The following GRIN2B variants were observed in gnomAD, a reference collection of about 807,000 sequenced individuals.
GRIN2B encodes glutamate receptor ionotropic, NMDA 2B.
Under a neutral mutation model 114.5 loss-of-function variants are expected in GRIN2B, and 5 were observed. The ratio of observed to expected loss-of-function variants is 0.04; its 90% CI spans 0.02 to 0.09. The LOEUF (loss-of-function observed/expected upper bound fraction) is 0.09. GRIN2B is among the 10% of genes least tolerant of loss of function. GRIN2B has a pLI of 1.00. For synonymous variants in GRIN2B, 787 were observed against 745.1 expected, an observed-to-expected ratio of 1.06 and a Z score of -0.92; for missense variants, 1,108 against 1,943.5, an observed-to-expected ratio of 0.57 and a Z score of 8.08.
Position 13,837,919 on chromosome 12 carries a change from C to T in GRIN2B, c.411+27879G>A, listed in dbSNP as rs192877933. Among the ~76,000 whole-genome samples, 16 of 152,188 alleles carry T rather than the reference C, an allele frequency of 1.1e-4. No individual in the cohort carries two copies. The East Asian group carries it at 3.1e-3, about 29-fold the overall frequency. ...TACCTCCCTGCCTCCCTAGGAGCGG[C>T]CATGGGCACACTGCGTTTCTAACAA... On this transcript the variant is annotated intron_variant, in intron 3 of 13. Coordinates refer to ENST00000609686, the MANE Select transcript of GRIN2B (RefSeq NM_000834.5).
intron 2 of GRIN2B, among the ~76,000 whole-genome samples, chr12:13,968,323 C>T (rs1008224933): frequency 1.3e-5 from 2 of 152,186 alleles, no homozygotes; most frequent in South Asian, 2.1e-4. Context: ...GTGTATATTA[C>T]GCTTATGGTT....
chr12:13,804,712 A>G (rs1310914816), intron 3 of GRIN2B, among the ~76,000 whole-genome samples: 2 of 152,144 alleles, frequency 1.3e-5, no homozygotes, highest in Admixed American at 6.6e-5. Context: ...GATTTATATT[A>G]TATACATTTG....
intron 5 of GRIN2B, among the ~76,000 whole-genome samples, chr12:13,658,205 C>T (rs926308221): frequency 4.8e-5 from 7 of 146,036 alleles, no homozygotes; most frequent in Non-Finnish European, 7.5e-5. Context: ...AAAACTCCAT[C>T]TAAAAAAAAA....
At chr12:13,814,953 G>T (rs1228207752) in intron 3 of GRIN2B, among the ~76,000 whole-genome samples, 1 of 151,738 alleles carries the variant, frequency 6.6e-6, no homozygotes, top group Non-Finnish European at 1.5e-5. Context: ...TCATCTCTTT[G>T]ATTTTTTAAA....
chr12:13,919,395 A>G (rs184838032), intron 2 of GRIN2B, among the ~76,000 whole-genome samples: 1 of 152,328 alleles, frequency 6.6e-6, no homozygotes, highest in Admixed American at 6.5e-5. Flanking sequence ...CATAAATTGA[A>G]TCATTTGTTT....
intron 4 of GRIN2B, among the ~76,000 whole-genome samples, chr12:13,718,832 G>A (rs1029558962): frequency 4.6e-5 from 7 of 152,026 alleles, no homozygotes; most frequent in South Asian, 2.1e-4. Context: ...CCTTCACGCT[G>A]TAAGTAGAAA....
At chr12:13,728,920 A>G (rs1863037490) in intron 4 of GRIN2B, among the ~76,000 whole-genome samples, 2 of 152,222 alleles carry the variant, frequency 1.3e-5, no homozygotes, top group Admixed American at 1.3e-4. Context: ...ATATTCACTT[A>G]TTTTCTGTTC....
intron 5 of GRIN2B, among the ~76,000 whole-genome samples, chr12:13,619,330 T>C (rs1217940871): frequency 6.6e-6 from 1 of 152,174 alleles, no homozygotes; most frequent in African/African-American, 2.4e-5. Flanking sequence ...ACAAAAGCTA[T>C]TGCAATAACA....
At chr12:13,823,781 CT>C (rs1864980998) in intron 3 of GRIN2B, among the ~76,000 whole-genome samples, 1 of 152,098 alleles carries the variant, frequency 6.6e-6, no homozygotes, top group African/African-American at 2.4e-5. Context: ...ATGATGTCGG[CT>C]ATAGGTTTTC....
intron 4 of GRIN2B, chr12:13,683,895 G>A (rs539628187): frequency 6.6e-6 from 1 of 152,256 alleles, no homozygotes; most frequent in East Asian, 1.9e-4. Flanking sequence ...AGCATTTGAA[G>A]GGACTTTTGG....
At chr12:13,600,863 A>C (rs1949147739) in intron 10 of GRIN2B, among the ~76,000 whole-genome samples, 1 of 152,134 alleles carries the variant, frequency 6.6e-6, no homozygotes, top group African/African-American at 2.4e-5. Context: ...GACACAGCAA[A>C]AGGGAGCACA....
chr12:13,577,887 T>G (rs1948798521), intron 10 of GRIN2B, among the ~76,000 whole-genome samples: 1 of 152,212 alleles, frequency 6.6e-6, no homozygotes, highest in Non-Finnish European at 1.5e-5. Context: ...TTTCATCCAT[T>G]TACTTTTTCA....
chr12:13,971,345 G>C (rs1330786310), intron 2 of GRIN2B, among the ~76,000 whole-genome samples: 1 of 152,052 alleles, frequency 6.6e-6, no homozygotes, highest in Admixed American at 6.5e-5. Flanking sequence ...TCTTGCCTCT[G>C]TACATTTAGG....
Position 13,563,707 on chromosome 12 carries a change from A to C in GRIN2B, c.3531T>G (p.Ser1177=). The C allele has an allele frequency of 6.2e-7, 1 of 1,613,550 alleles. No homozygotes were observed. The highest frequency in any genetic ancestry group is 8.5e-7 in the Non-Finnish European group (1 of 1,179,956). The change falls in exon 14 of 14, where the codon TCT becomes TCG. Residue 1177 remains serine (S), a synonymous_variant. Transcript: ENST00000609686. ...VSGGGPCTNR[S]HIKHGTGDKH... ...TGTCGCCCGTCCCGTGCTTGATGTGAGACCTGTTGGTACAGGGCCCTCCTC... is the reference window on the plus strand; with the variant it reads ...TGTCGCCCGTCCCGTGCTTGATGTGCGACCTGTTGGTACAGGGCCCTCCTC...
Position 13,550,311 on chromosome 12 carries a change from C to G in GRIN2B, c.*12472G>C, listed in dbSNP as rs1003476652. The stretch of plus-strand genomic sequence containing the variant: ...CTCCACCATTCCCCAAGGAGGGGAG[C>G]AGAGGCAGGCTAGAACTGCAGGAGC... On this transcript the variant is annotated 3_prime_UTR_variant, in exon 14 of 14. Coordinates refer to ENST00000609686, the MANE Select transcript of GRIN2B (RefSeq NM_000834.5). 5 of 152,158 alleles carry G rather than the reference C, an allele frequency of 3.3e-5. No homozygotes were observed. Among genetic ancestry groups the G allele is most frequent in the African/African-American group, 1.2e-4 (5 of 41,428 alleles). The allele number at this position is 152,158 out of a possible 1,614,324, so 9.4% of individuals were successfully genotyped here. A position where few individuals can be genotyped will look rare whatever the true frequency, so the allele number is the denominator to read the frequency against.
chr12:13,575,733 G>A (rs566358069), intron 10 of GRIN2B, among the ~76,000 whole-genome samples: 14 of 151,604 alleles, frequency 9.2e-5, no homozygotes, highest in Non-Finnish European at 1.6e-4. Context: ...TCAGTACTGG[G>A]AAGAAGGGAA....
rs761107805 is a variant in GRIN2B at position 13,544,913 on chromosome 12, C to T, written c.*17870G>A. 1 of 152,244 alleles carries T rather than the reference C, an allele frequency of 6.6e-6. No individual in the cohort carries two copies. Among genetic ancestry groups the T allele is most frequent in the Non-Finnish European group, 1.5e-5 (1 of 68,070 alleles). 9.4% of individuals were successfully genotyped at this position (152,244 alleles called of 1,614,324 possible). On this transcript the variant is annotated 3_prime_UTR_variant, in exon 14 of 14. Transcript: ENST00000609686. ...TACTCTCAACACAGCAGTCCCAAAGCTTCCTCTTCAACTGAAGTCAGATCA... is the reference window on the plus strand; with the variant it reads ...TACTCTCAACACAGCAGTCCCAAAGTTTCCTCTTCAACTGAAGTCAGATCA...
At chr12:13,761,770 C>T (rs189811554) in intron 3 of GRIN2B, among the ~76,000 whole-genome samples, 140 of 152,052 alleles carry the variant, frequency 9.2e-4, no homozygotes, top group African/African-American at 3.2e-3. Context: ...AATAAATGTA[C>T]TTTTAAATAA....
chr12:13,861,280 C>T (rs2136741102), intron 3 of GRIN2B, among the ~76,000 whole-genome samples: 1 of 152,242 alleles, frequency 6.6e-6, no homozygotes, highest in Non-Finnish European at 1.5e-5. Context: ...ATTCTAGTCC[C>T]ATTGCTAATA....
Sources: gnomAD v4.1 joint callset for allele counts (sites outside exome capture counted in the v4.1 genomes callset) on GRCh38, gnomAD v4.1.1 for gene constraint, MANE v1.5 for transcripts, NCBI Gene and HGNC (gene_info 2026-07-23, HGNC 2026-07-21) for gene names.